Variants in DCLK2 observed in about 807,000 individuals in gnomAD.
The protein encoded by DCLK2 is doublecortin like kinase 2.
A neutral mutation model predicts 78.4 loss-of-function variants in DCLK2; 31 were observed. That is an observed-to-expected ratio of 0.40 (90% CI 0.30 to 0.53). The LOEUF is 0.53. DCLK2 is among the 20% of genes least tolerant of loss of function. The pLI is 0.61. For synonymous variants in DCLK2, 407 were observed against 374.9 expected (o/e 1.09, Z -0.99); for missense variants, 872 against 973.7 (o/e 0.90, Z 1.39).
chr4:150,169,661 A>AC (rs1471095783), intron 2 of DCLK2, among the ~76,000 whole-genome samples: 1 of 152,038 alleles, frequency 6.6e-6, no homozygotes, highest in Non-Finnish European at 1.5e-5. Context: ...CGTCTCAAAA[A>AC]AAAAAAAAAA....
At chr4:150,136,946 G>A (rs1399908820) in intron 2 of DCLK2, among the ~76,000 whole-genome samples, 1 of 136,668 alleles carries the variant, frequency 7.3e-6, no homozygotes, top group Non-Finnish European at 1.6e-5. Flanking sequence ...TTCCAAAAAT[G>A]TATTTATTTC....
intron 2 of DCLK2, 35 bp from the exon 3 acceptor site, chr4:150,193,103 C>G: frequency 7.7e-7 from 1 of 1,303,024 alleles, no homozygotes; most frequent in Middle Eastern, 1.8e-4. Context: ...TCTAATGTGT[C>G]TAATTTATTT....
chr4:150,200,581 GC>G (rs1351375778), intron 4 of DCLK2, among the ~76,000 whole-genome samples: 2 of 152,186 alleles, frequency 1.3e-5, no homozygotes, highest in African/African-American at 4.8e-5. Flanking sequence ...ACCCAGGAGT[GC>G]TTTTACAGAT....
intron 2 of DCLK2, among the ~76,000 whole-genome samples, chr4:150,118,516 A>G (rs567266379): frequency 1.3e-5 from 2 of 152,328 alleles, no homozygotes; most frequent in Admixed American, 1.3e-4. Flanking sequence ...TTTTAATGCT[A>G]TATTTTTATA....
At chr4:150,203,399 T>C (rs1739592361) in intron 4 of DCLK2, among the ~76,000 whole-genome samples, 1 of 152,206 alleles carries the variant, frequency 6.6e-6, no homozygotes, top group Non-Finnish European at 1.5e-5. Context: ...GTTATCTTGG[T>C]ATACACCAAG....
rs377584103 is a variant in DCLK2 at position 150,249,727 on chromosome 4, C to T, written c.2073+43C>T. The T allele has an allele frequency of 1.4e-4, 214 of 1,548,122 alleles. 2 individuals are homozygous for T. The African/African-American group carries it at 2.2e-3, about 16-fold the overall frequency. ...GGTCTGGCCTGACTGCGGAGCCGGC[C>T]TTGAAGTTTTTGAATTAGGTAGCCG... On this transcript the variant is annotated intron_variant, in intron 15 of 15. Coordinates refer to ENST00000296550, the MANE Select transcript of DCLK2 (RefSeq NM_001040260.4).
chr4:150,094,402 T>C (rs1730316173), intron 1 of DCLK2, among the ~76,000 whole-genome samples: 1 of 152,218 alleles, frequency 6.6e-6, no homozygotes, highest in Non-Finnish European at 1.5e-5. Flanking sequence ...CATATTCCAT[T>C]GATTAAAAGG....
chr4:150,220,417 T>C (rs957205634), intron 5 of DCLK2, among the ~76,000 whole-genome samples: 5 of 152,214 alleles, frequency 3.3e-5, no homozygotes, highest in African/African-American at 1.2e-4. Context: ...TATCCAGCTA[T>C]CATGCCATAG....
intron 2 of DCLK2, among the ~76,000 whole-genome samples, chr4:150,141,546 T>G (rs952654140): frequency 6.6e-6 from 1 of 152,208 alleles, no homozygotes; most frequent in African/African-American, 2.4e-5. Context: ...AGCATTGGAC[T>G]CTTACCATTT....
At chr4:150,130,870 T>G (rs918440697) in intron 2 of DCLK2, among the ~76,000 whole-genome samples, 10 of 151,896 alleles carry the variant, frequency 6.6e-5, no homozygotes, top group Admixed American at 2.0e-4. Context: ...TTAAAAAGCT[T>G]CTTCATTGCT....
chr4:150,203,689 T>A, intron 4 of DCLK2, 106 bp from the exon 5 acceptor site: 1 of 787,404 alleles, frequency 1.3e-6, no homozygotes, highest in East Asian at 2.7e-5. Flanking sequence ...GAAAACGAGT[T>A]GAAGCTTCAT....
rs754238862 is a variant in DCLK2, at chr4:150,242,477, C to G, written c.1778+2001C>G. 3.3e-5 allele frequency among the ~76,000 whole-genome samples: 5 copies of G among 152,304 alleles called. No homozygotes were observed. The East Asian group carries it at 5.8e-4, about 18-fold the overall frequency. Reference sequence around the variant, plus strand: ...AGCTTTTGCTGAGTAACACACTACCCCTGAAGTTAGGAGTGTGAAACAATT... The same window carrying G: ...AGCTTTTGCTGAGTAACACACTACCGCTGAAGTTAGGAGTGTGAAACAATT... On this transcript the variant is annotated intron_variant, in intron 12 of 15. Transcript: ENST00000296550.
At chr4:150,134,604 A>G (rs1313128449) in intron 2 of DCLK2, among the ~76,000 whole-genome samples, 2 of 152,150 alleles carry the variant, frequency 1.3e-5, no homozygotes, top group Non-Finnish European at 2.9e-5. Context: ...CTTTGGTCTA[A>G]GTTGCTTATA....
intron 1 of DCLK2, among the ~76,000 whole-genome samples, chr4:150,091,474 T>G (rs2150139550): frequency 6.6e-6 from 1 of 152,240 alleles, no homozygotes. Context: ...TCCTTGCACT[T>G]TAGATTTGTA....
intron 2 of DCLK2, among the ~76,000 whole-genome samples, chr4:150,154,159 C>G (rs1735092931): frequency 6.6e-6 from 1 of 152,186 alleles, no homozygotes; most frequent in Non-Finnish European, 1.5e-5. Flanking sequence ...CAACTTGCAA[C>G]ATAGACCTGG....
intron 10 of DCLK2, among the ~76,000 whole-genome samples, chr4:150,234,294 G>A (rs775212461): frequency 2.0e-5 from 3 of 152,240 alleles, no homozygotes; most frequent in Non-Finnish European, 2.9e-5. Context: ...TTGCTACGGT[G>A]TTGTGATCTT....
At chr4:150,229,444 G>T (rs142798958) in intron 8 of DCLK2, among the ~76,000 whole-genome samples, 243 of 152,280 alleles carry the variant, frequency 1.6e-3, no homozygotes, top group African/African-American at 5.7e-3. Flanking sequence ...GAGGTAAATG[G>T]GCAGACATTG....
intron 6 of DCLK2, among the ~76,000 whole-genome samples, chr4:150,221,081 C>CT (rs1741152340): frequency 6.6e-6 from 1 of 152,138 alleles, no homozygotes; most frequent in Non-Finnish European, 1.5e-5. Flanking sequence ...GATAACAAAA[C>CT]TGTGTTTTCT....
chr4:150,157,935 CTT>C (rs1315620220), intron 2 of DCLK2, among the ~76,000 whole-genome samples: 7 of 152,266 alleles, frequency 4.6e-5, no homozygotes, highest in African/African-American at 1.7e-4. Context: ...GGCCCAGAAT[CTT>C]TTAATTTTAT....
Sources: gnomAD v4.1 joint callset for allele counts (sites outside exome capture counted in the v4.1 genomes callset) on GRCh38, gnomAD v4.1.1 for gene constraint, MANE v1.5 for transcripts, NCBI Gene and HGNC (gene_info 2026-07-23, HGNC 2026-07-21) for gene names.